Variants in KLHL20 observed in about 807,000 individuals in gnomAD.
KLHL20 encodes the protein kelch-like protein 20.
KLHL20 carries 29 observed loss-of-function variants against 69.5 expected under a neutral mutation model. The ratio of observed to expected loss-of-function variants is 0.42; its 90% CI spans 0.31 to 0.57. The LOEUF is 0.57. KLHL20 is among the 20% of genes least tolerant of loss of function. The probability of loss-of-function intolerance (pLI) is 0.18; values close to 1 mark genes in which losing one functional copy is unlikely to be tolerated. For synonymous variants in KLHL20, 253 were observed against 265.2 expected (o/e 0.95, Z 0.45); for missense variants, 419 against 776.0 (o/e 0.54, Z 5.47).
At chr1:173,781,969 G>T in intron 10 of KLHL20, 155 bp from the exon 11 acceptor site, 1 of 547,990 alleles carries the variant, frequency 1.8e-6, no homozygotes. Context: ...TAATTTGATA[G>T]ACTTTTGTTG....
chr1:173,721,083 G>T (rs1342651612), intron 2 of KLHL20, among the ~76,000 whole-genome samples: 1 of 152,154 alleles, frequency 6.6e-6, no homozygotes, highest in Non-Finnish European at 1.5e-5. Flanking sequence ...AGTACCAGGG[G>T]TGTTTACGAT....
chr1:173,730,939 C>T (rs1236870185), intron 2 of KLHL20, among the ~76,000 whole-genome samples: 2 of 152,104 alleles, frequency 1.3e-5, no homozygotes, highest in Non-Finnish European at 2.9e-5. Flanking sequence ...AGGCAACCTA[C>T]AGAATGGGAG....
rs546325868 is a variant in KLHL20 at position 173,741,232 on chromosome 1, C to A, written c.597+6946C>A. 8.5e-5 allele frequency among the ~76,000 whole-genome samples: 13 copies of A among 152,246 alleles called. No individual in the cohort carries two copies. The East Asian group carries it at 2.3e-3, about 27-fold the overall frequency. On this transcript the variant is annotated intron_variant, in intron 3 of 11. Transcript: ENST00000209884. ...TTATTTTCAGTTTTCCTGGTATGTT[C>A]CTGTGGTGGTTCTTGGAGTAAAAGT... is the stretch of plus-strand genomic sequence containing the variant.
chr1:173,759,376 C>G (rs180730593), intron 7 of KLHL20, among the ~76,000 whole-genome samples: 1 of 152,166 alleles, frequency 6.6e-6, no homozygotes, highest in African/African-American at 2.4e-5. Flanking sequence ...CTCCACACTA[C>G]TACAGCTGAT....
At chr1:173,756,593 A>G (rs1416421166) in intron 6 of KLHL20, among the ~76,000 whole-genome samples, 2 of 152,188 alleles carry the variant, frequency 1.3e-5, no homozygotes, top group Non-Finnish European at 2.9e-5. Context: ...ACATGCATTA[A>G]TTTATATATC....
At chr1:173,775,906 A>G in intron 10 of KLHL20, 64 bp downstream of exon 10, 1 of 1,347,066 alleles carries the variant, frequency 7.4e-7, no homozygotes, top group Non-Finnish European at 1.1e-6. Flanking sequence ...TGCAATAAAC[A>G]TGGGAGTGCA....
chr1:173,731,009 C>G (rs949046310), intron 2 of KLHL20, among the ~76,000 whole-genome samples: 1 of 151,958 alleles, frequency 6.6e-6, no homozygotes, highest in African/African-American at 2.4e-5. Context: ...ACAATGAACT[C>G]GAACAAATTT....
chr1:173,778,795 A>G (rs936020533), intron 10 of KLHL20, among the ~76,000 whole-genome samples: 12 of 152,166 alleles, frequency 7.9e-5, no homozygotes, highest in African/African-American at 2.2e-4. Flanking sequence ...TTGAATGTCT[A>G]CGGTATCAGT....
chr1:173,743,084 T>A (rs1672897281), intron 3 of KLHL20, among the ~76,000 whole-genome samples: 13 of 118,748 alleles, frequency 1.1e-4, no homozygotes, highest in South Asian at 2.5e-4. Context: ...AAAAATACAA[T>A]GGAAAAATAA....
intron 7 of KLHL20, among the ~76,000 whole-genome samples, chr1:173,758,976 G>A (rs991393670): frequency 6.6e-5 from 10 of 152,204 alleles, no homozygotes; most frequent in African/African-American, 2.2e-4. Context: ...ATAGCCTGGG[G>A]CAAGCCTGCT....
At chr1:173,769,044 T>A (rs1057278433) in intron 8 of KLHL20, among the ~76,000 whole-genome samples, 23 of 152,156 alleles carry the variant, frequency 1.5e-4, no homozygotes, top group Admixed American at 3.3e-4. Flanking sequence ...CCATAGAGTG[T>A]AAGTGCAAGA....
chr1:173,768,492 C>T lies in KLHL20; in HGVS notation c.1295+2203C>T, dbSNP rs116699727. ...TAAAATAGAAGGTAACTCTTGAAAG[C>T]TATGCCAGTTCCCTTTTATCTCTCT... is the stretch of plus-strand genomic sequence containing the variant. On this transcript the variant is annotated intron_variant, in intron 8 of 11. Transcript: ENST00000209884. Among the ~76,000 whole-genome samples the T allele has an allele frequency of 6.4e-3, 981 of 152,250 alleles. 6 individuals carry two copies. Among genetic ancestry groups the T allele is most frequent in the African/African-American group, 0.022 (935 of 41,558 alleles).
intron 7 of KLHL20, among the ~76,000 whole-genome samples, chr1:173,763,069 C>T (rs1400465769): frequency 6.6e-6 from 1 of 152,126 alleles, no homozygotes; most frequent in Non-Finnish European, 1.5e-5. Flanking sequence ...AGTAGCTCTT[C>T]TATACACCAA....
chr1:173,741,921 GC>G, intron 3 of KLHL20: 1 of 1,218,020 alleles, frequency 8.2e-7, no homozygotes, highest in South Asian at 1.2e-5. Flanking sequence ...TCAGATGAAA[GC>G]AGCACTAAAA....
chr1:173,726,185 A>G (rs1237011075), intron 2 of KLHL20, among the ~76,000 whole-genome samples: 1 of 152,156 alleles, frequency 6.6e-6, no homozygotes, highest in Non-Finnish European at 1.5e-5. Context: ...GTAAAGCAGC[A>G]GCGAGGCTGG....
intron 3 of KLHL20, among the ~76,000 whole-genome samples, chr1:173,745,233 G>A (rs1034862329): frequency 2.1e-4 from 29 of 140,430 alleles, no homozygotes; most frequent in African/African-American, 6.9e-4. Flanking sequence ...GTGCAATGAC[G>A]TGACCTCCAC....
chr1:173,721,059 A>G (rs72709390), intron 2 of KLHL20, among the ~76,000 whole-genome samples: 9,080 of 152,240 alleles, frequency 0.06, 382 homozygotes, highest in Non-Finnish European at 0.081. Context: ...AATGCTGAGG[A>G]CAGAACTGTA....
At chr1:173,746,506 T>C (rs924628964) in intron 3 of KLHL20, among the ~76,000 whole-genome samples, 2 of 152,144 alleles carry the variant, frequency 1.3e-5, no homozygotes, top group African/African-American at 4.8e-5. Context: ...CCTAGAAAAT[T>C]ACCAATTTCA....
chr1:173,771,150 G>T (rs1461557345), intron 8 of KLHL20, among the ~76,000 whole-genome samples: 1 of 152,204 alleles, frequency 6.6e-6, no homozygotes, highest in Non-Finnish European at 1.5e-5. Flanking sequence ...AGTACAAAGG[G>T]CACAGACAAC....
Sources: allele counts gnomAD v4.1 joint callset (sites outside exome capture counted in the v4.1 genomes callset), GRCh38; gene constraint gnomAD v4.1.1; transcripts MANE v1.5; gene names NCBI Gene and HGNC (gene_info 2026-07-23, HGNC 2026-07-21).